Variants in GRK4 observed in about 807,000 individuals in gnomAD.
The protein encoded by GRK4 is G protein-coupled receptor kinase 2-like.
A neutral mutation model predicts 77.9 loss-of-function variants in GRK4; 73 were observed. The ratio of observed to expected loss-of-function variants is 0.94; its 90% CI spans 0.78 to 1.14. The LOEUF (loss-of-function observed/expected upper bound fraction) is 1.14. Among genes scored for constraint, GRK4 ranks in the 50% most tolerant of loss-of-function variants. The pLI, the probability that GRK4 is intolerant of heterozygous loss-of-function variation, is 0.00. For missense variants in GRK4, 729 were observed against 700.2 expected, an observed-to-expected ratio of 1.04 and a Z score of -0.46; for synonymous variants, 257 against 254.4, an observed-to-expected ratio of 1.01 and a Z score of -0.10.
chr4:2,987,044 A>C lies in GRK4; in HGVS notation c.149-1683A>C. 8.4e-6 allele frequency: 4 copies of C among 475,720 alleles called. 1 individual carries two copies. The highest frequency in any genetic ancestry group is 6.3e-5 in the South Asian group (4 of 63,418). 29.5% of individuals were successfully genotyped at this position (475,720 alleles called of 1,614,324 possible). ...TATATTGAGTTGTGAAACCATCACC[A>C]CAGTCAATTTGACAGCATTTTCAGC... On this transcript the variant is annotated intron_variant, in intron 2 of 15. Transcript: ENST00000398052.
chr4:3,014,708 A>G (rs994251937), intron 8 of GRK4, among the ~76,000 whole-genome samples: 3 of 151,964 alleles, frequency 2.0e-5, no homozygotes, highest in African/African-American at 7.3e-5. Flanking sequence ...GGTGCAGGAG[A>G]ATCACTTGAA....
At chr4:3,012,693 T>C (rs58376060) in intron 7 of GRK4, among the ~76,000 whole-genome samples, 2,483 of 152,270 alleles carry the variant, frequency 0.016, 59 homozygotes, top group African/African-American at 0.057. Context: ...ATGATACTAT[T>C]TTTTCCACTT....
At chr4:2,987,074 CA>C in intron 2 of GRK4, 1 of 500,892 alleles carries the variant, frequency 2.0e-6, no homozygotes, top group Non-Finnish European at 3.9e-6. Flanking sequence ...TTCAGCACCC[CA>C]AAAAGAAACG....
intron 4 of GRK4, among the ~76,000 whole-genome samples, chr4:2,995,742 C>T (rs868784608): frequency 6.6e-6 from 1 of 152,008 alleles, no homozygotes; most frequent in East Asian, 1.9e-4. Flanking sequence ...TCCAAGTTGC[C>T]TTGGGAAGTG....
intron 8 of GRK4, among the ~76,000 whole-genome samples, chr4:3,014,783 C>T (rs1364232778): frequency 3.9e-5 from 6 of 151,922 alleles, no homozygotes; most frequent in East Asian, 1.9e-4. Context: ...GGCAACAGAG[C>T]GAGACTCCGT....
intron 15 of GRK4, among the ~76,000 whole-genome samples, chr4:3,039,095 AG>A (rs1344928629): frequency 3.3e-5 from 5 of 152,194 alleles, no homozygotes; most frequent in Non-Finnish European, 7.3e-5. Flanking sequence ...ACATGCCTGT[AG>A]TCCCAGCTAC....
chr4:2,988,097 A>G (rs1054774327), intron 2 of GRK4, among the ~76,000 whole-genome samples: 2 of 149,540 alleles, frequency 1.3e-5, no homozygotes, highest in Non-Finnish European at 3.0e-5. Context: ...AAAAAAAAAA[A>G]AAGAAGTAGA....
At position 3,007,835 on chromosome 4, in the gene GRK4, A is replaced by G. The variant is rs1241359576; in HGVS notation, c.536+7A>G. The G allele has an allele frequency of 1.3e-6, 2 of 1,592,982 alleles. No homozygotes were observed. The highest frequency in any genetic ancestry group is 8.6e-7 in the Non-Finnish European group (1 of 1,166,610). On this transcript the variant is annotated splice_region_variant and intron_variant, in intron 6 of 15. Coordinates refer to ENST00000398052, the MANE Select transcript of GRK4 (RefSeq NM_182982.3). Reference sequence around the variant, plus strand: ...AATGGAAATGGCTGGAAAGGTATGTACTGATTTTAAACTTGATAAAAGCCA... The same window carrying G: ...AATGGAAATGGCTGGAAAGGTATGTGCTGATTTTAAACTTGATAAAAGCCA...
rs547142196 is a variant in GRK4 at position 3,011,129 on chromosome 4, T to C, written c.600+1418T>C. ...TGCCTTTAATGATCTGCAAATGTAA[T>C]GACTCAGATTTTGTGAAAGAACAGA... is the stretch of plus-strand genomic sequence containing the variant. On this transcript the variant is annotated intron_variant, in intron 7 of 15. Coordinates refer to ENST00000398052, the MANE Select transcript of GRK4 (RefSeq NM_182982.3). Among the ~76,000 whole-genome samples the C allele has an allele frequency of 3.9e-4, 59 of 152,332 alleles. 2 individuals are homozygous for C. The highest frequency in any genetic ancestry group is 1.3e-3 in the African/African-American group (53 of 41,576).
chr4:2,993,132 A>G (rs1243944008), intron 4 of GRK4, among the ~76,000 whole-genome samples: 3 of 152,184 alleles, frequency 2.0e-5, no homozygotes, highest in Non-Finnish European at 4.4e-5. Flanking sequence ...GTTTCAGAAT[A>G]TAGAGTTGGA....
At chr4:2,989,893 A>G (rs989679285) in intron 3 of GRK4, among the ~76,000 whole-genome samples, 35 of 152,342 alleles carry the variant, frequency 2.3e-4, no homozygotes, top group African/African-American at 7.9e-4. Flanking sequence ...GAAATTCAGA[A>G]GCAAGTGACC....
chr4:2,982,420 G>A (rs371360776), intron 1 of GRK4, among the ~76,000 whole-genome samples: 1 of 152,256 alleles, frequency 6.6e-6, no homozygotes, highest in East Asian at 1.9e-4. Context: ...GTAAAGTTGG[G>A]AGAAGCCAGG....
At position 2,988,793 on chromosome 4, in the gene GRK4, A is replaced by T. The variant is rs770288052; in HGVS notation, c.215A>T (p.Asp72Val). 6.2e-7 allele frequency: 1 copy of T among 1,613,180 alleles called. No homozygotes were observed. Among genetic ancestry groups the T allele is most frequent in the Non-Finnish European group, 8.5e-7 (1 of 1,179,218 alleles). ...IGRRLFRQFCDTKPTLKRHIE... is the reference protein window; with the variant it reads ...IGRRLFRQFCVTKPTLKRHIE... ...AGACGTCTCTTCAGGCAGTTCTGTG[A>T]TACCAAACCCACTCTAAAGAGGCAC... is the stretch of plus-strand genomic sequence containing the variant. Residue 72 changes from aspartate (D) to valine (V), a missense_variant, in exon 3 of 16, where the codon GAT becomes GTT. Asp to Val is a radical substitution (Grantham distance 152). Coordinates refer to ENST00000398052, the MANE Select transcript of GRK4 (RefSeq NM_182982.3).
In GRK4 at chr4:3,022,420, G is replaced by A; in HGVS notation, c.939G>A (p.Leu313=). The change falls in exon 10 of 16, where the codon TTG becomes TTA. Residue 313 remains leucine, a synonymous_variant. Coordinates refer to ENST00000398052, the MANE Select transcript of GRK4 (RefSeq NM_182982.3). ...TTGTTGTTGTTTCTTGTAGAGACTTGAAGCCTGAGAATATTCTCCTTGATG... is the reference window on the plus strand; with the variant it reads ...TTGTTGTTGTTTCTTGTAGAGACTTAAAGCCTGAGAATATTCTCCTTGATG... ...LQRERIVYRD[L]KPENILLDDR... 1 of 1,613,888 alleles carries A rather than the reference G, an allele frequency of 6.2e-7. No homozygotes were observed. The highest frequency in any genetic ancestry group is 8.5e-7 in the Non-Finnish European group (1 of 1,179,916).
chr4:2,963,988 C>CG lies in GRK4; in HGVS notation c.-78dup. 7.9e-7 allele frequency: 1 copy of CG among 1,266,766 alleles called. No individual in the cohort carries two copies. The allele number at this position is 1,266,766 out of a possible 1,614,324, so 78.5% of individuals were successfully genotyped here. The stretch of plus-strand genomic sequence containing the variant: ...AGGGTGGTGCCCGGCGAGCTATGCA[C>CG]GGGGGCGGCGGCGTCTCCTCCTGTT... On this transcript the variant is annotated 5_prime_UTR_variant, in exon 1 of 16. Coordinates refer to ENST00000398052, the MANE Select transcript of GRK4 (RefSeq NM_182982.3).
At chr4:3,016,096 G>T (rs899371580) in intron 8 of GRK4, among the ~76,000 whole-genome samples, 1 of 150,554 alleles carries the variant, frequency 6.6e-6, no homozygotes, top group African/African-American at 2.4e-5. Flanking sequence ...TATTAGTAGC[G>T]ACAGGGTTTC....
At chr4:3,015,590 G>A (rs1293032169) in intron 8 of GRK4, among the ~76,000 whole-genome samples, 4 of 151,658 alleles carry the variant, frequency 2.6e-5, no homozygotes, top group Non-Finnish European at 4.4e-5. Flanking sequence ...CAGGAGAATG[G>A]CGTGAACCCC....
intron 12 of GRK4, among the ~76,000 whole-genome samples, 193 bp from the exon 13 acceptor site, chr4:3,035,193 C>T (rs933437159): frequency 8.6e-5 from 13 of 151,676 alleles, no homozygotes; most frequent in Non-Finnish European, 7.4e-5. Context: ...TGCAGTGAGC[C>T]GAGATCGCAC....
In GRK4 at chr4:3,037,401, C is replaced by T; in HGVS notation, c.1435C>T (p.Leu479=). The T allele has an allele frequency of 1.9e-6, 3 of 1,607,830 alleles. No individual in the cohort carries two copies. Among genetic ancestry groups the T allele is most frequent in the Non-Finnish European group, 2.6e-6 (3 of 1,175,070 alleles). The change falls in exon 14 of 16, where the codon CTG becomes TTG. Residue 479 remains leucine (L), a synonymous_variant. Coordinates refer to ENST00000398052, the MANE Select transcript of GRK4 (RefSeq NM_182982.3). The part of the protein sequence containing the change: ...DPHAVYCKDV[L]DIEQFSVVKG... ...TCATGCCGTTTACTGTAAGGACGTC[C>T]TGGATATCGAGCAGTTCTCGGTGGT... is the stretch of plus-strand genomic sequence containing the variant.
Sources: gnomAD v4.1 joint callset for allele counts (sites outside exome capture counted in the v4.1 genomes callset) on GRCh38, gnomAD v4.1.1 for gene constraint, MANE v1.5 for transcripts, NCBI Gene and HGNC (gene_info 2026-07-23, HGNC 2026-07-21) for gene names.